CRIPT: variants seen among roughly 807,000 people sequenced by gnomAD.
CRIPT encodes the protein cysteine-rich PDZ-binding protein.
CRIPT carries 20 observed loss-of-function variants against 16.6 expected under a neutral mutation model. That is an observed-to-expected ratio of 1.20 (90% CI 0.85 to 1.75). CRIPT has a LOEUF of 1.75. Ranked by LOEUF, CRIPT falls within the 40% of genes most tolerant of loss-of-function variation. The pLI is 0.00. For synonymous variants in CRIPT, 42 were observed against 37.0 expected (o/e 1.14, Z -0.49); for missense variants, 133 against 115.3 (o/e 1.15, Z -0.70).
chr2:46,624,342 G>T lies in CRIPT; in HGVS notation c.*115G>T. ...TTTTAAGATAATTAAGTTTAAACCAGAGAATTTGATTGTTACTCATTTTGC... is the reference window on the plus strand; with the variant it reads ...TTTTAAGATAATTAAGTTTAAACCATAGAATTTGATTGTTACTCATTTTGC... On this transcript the variant is annotated 3_prime_UTR_variant, in exon 5 of 5. Transcript: ENST00000238892. The T allele has an allele frequency of 1.7e-6, 1 of 593,068 alleles. No homozygotes were observed. Among genetic ancestry groups the T allele is most frequent in the Non-Finnish European group, 2.7e-6 (1 of 374,122 alleles). The allele number at this position is 593,068 out of a possible 1,614,324, so 36.7% of individuals were successfully genotyped here.
At chr2:46,623,441 A>G (rs1267522893) in intron 3 of CRIPT, among the ~76,000 whole-genome samples, 2 of 152,090 alleles carry the variant, frequency 1.3e-5, no homozygotes, top group Non-Finnish European at 2.9e-5. Flanking sequence ...GGAATCAGTC[A>G]CTCTTTTTGC....
At chr2:46,620,459 T>G (rs762886153) in intron 3 of CRIPT, among the ~76,000 whole-genome samples, 1 of 151,830 alleles carries the variant, frequency 6.6e-6, no homozygotes, top group Non-Finnish European at 1.5e-5. Flanking sequence ...AGAAAAAAAA[T>G]TTCGTGAACC....
At chr2:46,617,520 A>G (rs979570160) in intron 1 of CRIPT, among the ~76,000 whole-genome samples, 3 of 151,940 alleles carry the variant, frequency 2.0e-5, no homozygotes, top group African/African-American at 7.3e-5. Flanking sequence ...CTCCTTGTCT[A>G]TTTCTGTTGC....
chr2:46,620,320 G>A (rs534695457), intron 3 of CRIPT, among the ~76,000 whole-genome samples: 7 of 152,162 alleles, frequency 4.6e-5, no homozygotes, highest in African/African-American at 7.2e-5. Context: ...GGCAGCACGC[G>A]CCTGTAGTCC....
Position 46,629,207 on chromosome 2 carries a change from C to A in CRIPT, c.*4980C>A, listed in dbSNP as rs1239341971. Among the ~76,000 whole-genome samples, 1 of 152,184 alleles carries A rather than the reference C, an allele frequency of 6.6e-6. No homozygotes were observed. The highest frequency in any genetic ancestry group is 1.5e-5 in the Non-Finnish European group (1 of 68,042). On this transcript the variant is annotated 3_prime_UTR_variant, in exon 5 of 5. Coordinates refer to ENST00000238892, the MANE Select transcript of CRIPT (RefSeq NM_014171.6). ...GACTTAACTCTTTACATCCTTATGGCAGCCTTCGAATACCTTTTAACTCCC... is the reference window on the plus strand; with the variant it reads ...GACTTAACTCTTTACATCCTTATGGAAGCCTTCGAATACCTTTTAACTCCC...
chr2:46,621,787 T>C (rs1670808958), intron 3 of CRIPT, among the ~76,000 whole-genome samples: 1 of 152,236 alleles, frequency 6.6e-6, no homozygotes, highest in Non-Finnish European at 1.5e-5. Context: ...TAGCACATAA[T>C]AGCATCTTTA....
In CRIPT at chr2:46,629,328, C is replaced by T. The variant is rs986074008; in HGVS notation, c.*5101C>T. On this transcript the variant is annotated 3_prime_UTR_variant, in exon 5 of 5. Coordinates refer to ENST00000238892, the MANE Select transcript of CRIPT (RefSeq NM_014171.6). ...TCTTTACCCTTTAACACTACACATG[C>T]ACTTCATAAGAACAAGCATGCTGTC... Among the ~76,000 whole-genome samples the T allele has an allele frequency of 3.9e-5, 6 of 152,164 alleles. No homozygotes were observed. The highest frequency in any genetic ancestry group is 1.4e-4 in the African/African-American group (6 of 41,436).
chr2:46,618,825 T>C lies in CRIPT; in HGVS notation c.69T>C (p.Ala23=), dbSNP rs145115368. ...VITPDTWKDG[A]RNTTESGGRK... The stretch of plus-strand genomic sequence containing the variant: ...CTCCAGATACATGGAAAGATGGTGC[T>C]AGGAATACCACAGGTATTTCTTCTT... Residue 23 remains alanine (A), a synonymous_variant, in exon 2 of 5, where the codon GCT becomes GCC. Coordinates refer to ENST00000238892, the MANE Select transcript of CRIPT (RefSeq NM_014171.6). The C allele has an allele frequency of 1.2e-5, 19 of 1,602,480 alleles. No individual in the cohort carries two copies. In the African/African-American group the frequency reaches 2.5e-4, roughly 21 times the overall value.
At chr2:46,620,761 A>C (rs1182685270) in intron 3 of CRIPT, among the ~76,000 whole-genome samples, 1 of 149,940 alleles carries the variant, frequency 6.7e-6, no homozygotes, top group African/African-American at 2.4e-5. Context: ...TCCCAAATTT[A>C]TACCTCTGGC....
In CRIPT at chr2:46,627,458, C is replaced by T. The variant is rs79306352; in HGVS notation, c.*3231C>T. ...ATTTAAATCTTTTTTTTTTTTTTTCCCCAAAGACAGAGTCTCCTTCTGTTG... is the reference window on the plus strand; with the variant it reads ...ATTTAAATCTTTTTTTTTTTTTTTCTCCAAAGACAGAGTCTCCTTCTGTTG... On this transcript the variant is annotated 3_prime_UTR_variant, in exon 5 of 5. Transcript: ENST00000238892. Among the ~76,000 whole-genome samples, 16 of 148,518 alleles carry T rather than the reference C, an allele frequency of 1.1e-4. No homozygotes were observed. Among genetic ancestry groups the T allele is most frequent in the Admixed American group, 2.0e-4 (3 of 15,006 alleles).
intron 1 of CRIPT, among the ~76,000 whole-genome samples, chr2:46,617,799 C>T (rs1670702370): frequency 6.6e-6 from 1 of 151,998 alleles, no homozygotes; most frequent in African/African-American, 2.4e-5. Flanking sequence ...ATTATTATTT[C>T]CCTAACTTAA....
Position 46,618,802 on chromosome 2 carries a change from C to A in CRIPT, c.46C>A (p.Pro16Thr). The change falls in exon 2 of 5, where the codon CCA becomes ACA. Residue 16 changes from proline (P) to threonine (T), a missense_variant. By Grantham distance (38) the Pro-to-Thr change is conservative. Transcript: ENST00000238892. ...CEKKLGTVITPDTWKDGARNT... is the reference protein window; with the variant it reads ...CEKKLGTVITTDTWKDGARNT... ...AAAGAAACTTGGTACTGTTATCACT[C>A]CAGATACATGGAAAGATGGTGCTAG... The A allele has an allele frequency of 6.2e-7, 1 of 1,607,236 alleles. No individual in the cohort carries two copies. Among genetic ancestry groups the A allele is most frequent in the Non-Finnish European group, 8.5e-7 (1 of 1,176,128 alleles).
At chr2:46,623,285 A>C (rs1435204758) in intron 3 of CRIPT, among the ~76,000 whole-genome samples, 2 of 152,220 alleles carry the variant, frequency 1.3e-5, no homozygotes, top group Non-Finnish European at 2.9e-5. Flanking sequence ...CAGTTTCTTT[A>C]AAGTAGAGCA....
chr2:46,618,844 TC>T lies in CRIPT; in HGVS notation c.82+7del. ...TGGTGCTAGGAATACCACAGGTATT[TC>T]TTCTTTTAGAAAATAGGAATTTAAC... is the stretch of plus-strand genomic sequence containing the variant. On this transcript the variant is annotated splice_region_variant and intron_variant, in intron 2 of 4. Coordinates refer to ENST00000238892, the MANE Select transcript of CRIPT (RefSeq NM_014171.6). 6.4e-7 allele frequency: 1 copy of T among 1,562,214 alleles called. No individual in the cohort carries two copies. The highest frequency in any genetic ancestry group is 1.1e-5 in the South Asian group (1 of 87,608).
chr2:46,621,528 A>G (rs557374442), intron 3 of CRIPT, among the ~76,000 whole-genome samples: 1 of 152,270 alleles, frequency 6.6e-6, no homozygotes, highest in East Asian at 1.9e-4. Context: ...TAATACTACT[A>G]TTTGAAAACC....
intron 3 of CRIPT, 94 bp from the exon 4 acceptor site, chr2:46,623,670 A>G: frequency 1.5e-6 from 1 of 648,040 alleles, no homozygotes. Context: ...AGGGATGGAG[A>G]GCATGGATTA....
chr2:46,619,478 T>G, intron 2 of CRIPT, 149 bp from the exon 3 acceptor site: 1 of 514,560 alleles, frequency 1.9e-6, no homozygotes, highest in Non-Finnish European at 3.5e-6. Context: ...TATTTTCTTT[T>G]TAAGCAGTAT....
intron 1 of CRIPT, among the ~76,000 whole-genome samples, chr2:46,618,056 G>C (rs1187774818): frequency 6.7e-6 from 1 of 149,462 alleles, no homozygotes; most frequent in Non-Finnish European, 1.5e-5. Flanking sequence ...ACTCCTTTTT[G>C]TTCACAGTCC....
Position 46,628,281 on chromosome 2 carries a change from T to G in CRIPT, c.*4054T>G, listed in dbSNP as rs142256467. Among the ~76,000 whole-genome samples the G allele has an allele frequency of 9.9e-4, 150 of 152,138 alleles. No homozygotes were observed. The highest frequency in any genetic ancestry group is 3.5e-3 in the African/African-American group (145 of 41,510). On this transcript the variant is annotated 3_prime_UTR_variant, in exon 5 of 5. Coordinates refer to ENST00000238892, the MANE Select transcript of CRIPT (RefSeq NM_014171.6). ...GCCCGCCAACCATGCCCAGCTAATT[T>G]ATGTAATTTTAGTAGAGATGGGGTT...
Sources: allele counts gnomAD v4.1 joint callset (sites outside exome capture counted in the v4.1 genomes callset), GRCh38; gene constraint gnomAD v4.1.1; transcripts MANE v1.5; gene names NCBI Gene and HGNC (gene_info 2026-07-23, HGNC 2026-07-21).